The following SNN variants were observed in gnomAD, a reference collection of about 807,000 sequenced individuals.
SNN encodes AG8_1.
A neutral mutation model predicts 5.3 loss-of-function variants in SNN; 5 were observed. That is an observed-to-expected ratio of 0.94 (90% CI 0.49 to 1.97). SNN has a LOEUF of 1.97. SNN is among the 30% of genes most tolerant of loss of function. The pLI is 0.01. For missense variants in SNN, 127 were observed against 121.6 expected, an observed-to-expected ratio of 1.04 and a Z score of -0.21; for synonymous variants, 67 against 52.1, an observed-to-expected ratio of 1.29 and a Z score of -1.24.
intron 1 of SNN, 35 bp from the exon 2 acceptor site, chr16:11,675,940 C>A: frequency 9.3e-7 from 1 of 1,070,194 alleles, no homozygotes; most frequent in Non-Finnish European, 1.3e-6. Flanking sequence ...CGTGGAAGTG[C>A]TAACCGCAGC....
rs768098913 is a variant in SNN, at chr16:11,672,438, G to C, written c.-85-3537G>C. Among the ~76,000 whole-genome samples, 39 of 152,212 alleles carry C rather than the reference G, an allele frequency of 2.6e-4. No individual in the cohort carries two copies. The highest frequency in any genetic ancestry group is 3.2e-3 in the Middle Eastern group (1 of 316). On this transcript the variant is annotated intron_variant, in intron 1 of 1. Transcript: ENST00000329565. The surrounding 1 kb of genome is among the most constrained non-coding windows in gnomAD (Gnocchi z 6.0). ...TTCTGAGAAAGTCCCGAATAGGAAG[G>C]TGCCAGCCGTGGGGCGGTCAGGGCA...
At chr16:11,675,635 T>A (rs567443613) in intron 1 of SNN, among the ~76,000 whole-genome samples, 1 of 152,308 alleles carries the variant, frequency 6.6e-6, no homozygotes, top group East Asian at 1.9e-4. Flanking sequence ...CCCTGAGTGG[T>A]CATGAACACT....
Position 11,675,750 on chromosome 16 carries a change from C to T in SNN, c.-85-225C>T, listed in dbSNP as rs8191324. 1.5e-3 allele frequency among the ~76,000 whole-genome samples: 235 copies of T among 152,312 alleles called. 1 individual carries two copies. The highest frequency in any genetic ancestry group is 5.4e-3 in the African/African-American group (224 of 41,564). ...GCAGCTGTCGCTGTCGCAGTGTTCC[C>T]GGCTCTGCCGCCAGCGAGGGTGACT... On this transcript the variant is annotated intron_variant, in intron 1 of 1. Coordinates refer to ENST00000329565, the MANE Select transcript of SNN (RefSeq NM_003498.6).
rs1235311477 is a variant in SNN at position 11,671,807 on chromosome 16, A to T, written c.-86+3267A>T. Among the ~76,000 whole-genome samples, 2 of 152,156 alleles carry T rather than the reference A, an allele frequency of 1.3e-5. No homozygotes were observed. Among genetic ancestry groups the T allele is most frequent in the African/African-American group, 4.8e-5 (2 of 41,432 alleles). ...ACAGACAGGTGGGGTCCAGCCAGGC[A>T]CAGGGGCTTGTGGGGACCTGCTGCC... On this transcript the variant is annotated intron_variant, in intron 1 of 1. Coordinates refer to ENST00000329565, the MANE Select transcript of SNN (RefSeq NM_003498.6). The surrounding 1 kb of genome is among the most constrained non-coding windows in gnomAD (Gnocchi z 4.7).
rs2050270123 is a variant in SNN, at chr16:11,672,215, G to A, written c.-86+3675G>A. ...AGGGCAGGGGTACAGCTGTGGGCGG[G>A]ACAGACGGTGCCCTCCTTGGACTGC... is the stretch of plus-strand genomic sequence containing the variant. On this transcript the variant is annotated intron_variant, in intron 1 of 1. Transcript: ENST00000329565. The surrounding 1 kb of genome is among the most constrained non-coding windows in gnomAD (Gnocchi z 6.0). Among the ~76,000 whole-genome samples, 1 of 152,214 alleles carries A rather than the reference G, an allele frequency of 6.6e-6. No individual in the cohort carries two copies. The highest frequency in any genetic ancestry group is 2.4e-5 in the African/African-American group (1 of 41,454).
rs8191335 is a variant in SNN, at chr16:11,677,497, C to G, written c.*1171C>G. 11 of 166,832 alleles carry G rather than the reference C, an allele frequency of 6.6e-5. No individual in the cohort carries two copies. Among genetic ancestry groups the G allele is most frequent in the South Asian group, 2.1e-4 (1 of 4,816 alleles). The allele number at this position is 166,832 out of a possible 1,614,324, so 10.3% of individuals were successfully genotyped here. A position where few individuals can be genotyped will look rare whatever the true frequency, so the allele number is the denominator to read the frequency against. ...GAACATTTCTCACGTGCACATTCCC[C>G]TAAGAGCCACCAGACTGCTTCCTGC... On this transcript the variant is annotated 3_prime_UTR_variant, in exon 2 of 2. Coordinates refer to ENST00000329565, the MANE Select transcript of SNN (RefSeq NM_003498.6). This position sits in a 1 kb window ranked among gnomAD's most constrained non-coding sequence, Gnocchi z 4.2.
At chr16:11,670,226 A>G (rs8191277) in intron 1 of SNN, among the ~76,000 whole-genome samples, 86,884 of 151,386 alleles carry the variant, frequency 0.57, 25,627 homozygotes, top group African/African-American at 0.69. Flanking sequence ...TTATGGGGGG[A>G]GGCAGTACTG....
intron 1 of SNN, among the ~76,000 whole-genome samples, chr16:11,670,644 G>A (rs1470306940): frequency 6.6e-6 from 1 of 152,222 alleles, no homozygotes; most frequent in Non-Finnish European, 1.5e-5. Flanking sequence ...TATCCGCTTT[G>A]CGCATTGAGA....
rs2050332844 is a variant in SNN at position 11,678,839 on chromosome 16, T to G, written c.*2513T>G. 1 of 260,468 alleles carries G rather than the reference T, an allele frequency of 3.8e-6. No homozygotes were observed. The highest frequency in any genetic ancestry group is 7.9e-6 in the Non-Finnish European group (1 of 125,888). 16.1% of individuals were successfully genotyped at this position (260,468 alleles called of 1,614,324 possible). Reference sequence around the variant, plus strand: ...TCTGGATTATTTTTGAATGCCCAACTGTTGCATTCAAGTTTTCTGACTAAT... The same window carrying G: ...TCTGGATTATTTTTGAATGCCCAACGGTTGCATTCAAGTTTTCTGACTAAT... On this transcript the variant is annotated 3_prime_UTR_variant, in exon 2 of 2. Transcript: ENST00000329565.
rs1485036898 is a variant in SNN, at chr16:11,668,949, G to A, written c.-86+409G>A. 6.6e-6 allele frequency among the ~76,000 whole-genome samples: 1 copy of A among 152,036 alleles called. No homozygotes were observed. Among genetic ancestry groups the A allele is most frequent in the Admixed American group, 6.5e-5 (1 of 15,288 alleles). ...GGGATAGGGGTCCAGGTGACGTCCG[G>A]CGCCCGTCTCGCGGGTAGGGAAACT... On this transcript the variant is annotated intron_variant, in intron 1 of 1. Coordinates refer to ENST00000329565, the MANE Select transcript of SNN (RefSeq NM_003498.6). This position sits in a 1 kb window ranked among gnomAD's most constrained non-coding sequence, Gnocchi z 6.8.
In SNN at chr16:11,671,337, C is replaced by T. The variant is rs1437790349; in HGVS notation, c.-86+2797C>T. 1.3e-5 allele frequency among the ~76,000 whole-genome samples: 2 copies of T among 152,032 alleles called. No individual in the cohort carries two copies. Among genetic ancestry groups the T allele is most frequent in the Non-Finnish European group, 2.9e-5 (2 of 67,996 alleles). Reference sequence around the variant, plus strand: ...GTGTGTGTTTGGGGGATCCAGATGGCCTTGGGCTTCAAATGCCAGGCAGAG... The same window carrying T: ...GTGTGTGTTTGGGGGATCCAGATGGTCTTGGGCTTCAAATGCCAGGCAGAG... On this transcript the variant is annotated intron_variant, in intron 1 of 1. Coordinates refer to ENST00000329565, the MANE Select transcript of SNN (RefSeq NM_003498.6). This position sits in a 1 kb window ranked among gnomAD's most constrained non-coding sequence, Gnocchi z 4.7.
chr16:11,673,511 G>A (rs1243707223), intron 1 of SNN, among the ~76,000 whole-genome samples: 4 of 152,214 alleles, frequency 2.6e-5, no homozygotes, highest in African/African-American at 9.6e-5. Context: ...CGGGCCATCT[G>A]CGTGGTGGGG....
At position 11,668,694 on chromosome 16, in the gene SNN, C is replaced by T. The variant is rs1317364161; in HGVS notation, c.-86+154C>T. Among the ~76,000 whole-genome samples the T allele has an allele frequency of 6.9e-6, 1 of 145,112 alleles. No homozygotes were observed. Among genetic ancestry groups the T allele is most frequent in the Non-Finnish European group, 1.5e-5 (1 of 65,260 alleles). On this transcript the variant is annotated intron_variant, in intron 1 of 1. Transcript: ENST00000329565. The surrounding 1 kb of genome is among the most constrained non-coding windows in gnomAD (Gnocchi z 6.8). ...GGGAGGGGCGGCCCGGCGGGCGCGGCTCGGGGGAGGGTCCGTTCCAGGGGC... is the reference window on the plus strand; with the variant it reads ...GGGAGGGGCGGCCCGGCGGGCGCGGTTCGGGGGAGGGTCCGTTCCAGGGGC...
chr16:11,673,124 T>C (rs2050276532), intron 1 of SNN, among the ~76,000 whole-genome samples: 2 of 151,956 alleles, frequency 1.3e-5, no homozygotes, highest in South Asian at 4.2e-4. Flanking sequence ...CAGGTTGGTG[T>C]TCTTCTTGCA....
At chr16:11,675,258 CTTTTTTTTTTTTTT>C (rs769141223) in intron 1 of SNN, among the ~76,000 whole-genome samples, 1 of 125,312 alleles carries the variant, frequency 8.0e-6, no homozygotes, top group South Asian at 2.6e-4. Context: ...TTTTTTTTTT[CTTTTTTTTTTTTTT>C]TTTTTGAAGA....
intron 1 of SNN, among the ~76,000 whole-genome samples, chr16:11,674,858 C>T (rs8191315): frequency 1.6e-3 from 245 of 152,242 alleles, no homozygotes; most frequent in Non-Finnish European, 2.9e-3. Flanking sequence ...GACAATGGCA[C>T]CCTGTATTGT....
intron 1 of SNN, among the ~76,000 whole-genome samples, chr16:11,675,258 CTT>C (rs769141223): frequency 8.0e-6 from 1 of 125,308 alleles, no homozygotes. Flanking sequence ...TTTTTTTTTT[CTT>C]TTTTTTTTTT....
In SNN at chr16:11,668,793, A is replaced by T. The variant is rs2050245487; in HGVS notation, c.-86+253A>T. 6.6e-6 allele frequency among the ~76,000 whole-genome samples: 1 copy of T among 150,440 alleles called. No individual in the cohort carries two copies. Among genetic ancestry groups the T allele is most frequent in the Admixed American group, 6.6e-5 (1 of 15,172 alleles). On this transcript the variant is annotated intron_variant, in intron 1 of 1. Coordinates refer to ENST00000329565, the MANE Select transcript of SNN (RefSeq NM_003498.6). The surrounding 1 kb of genome is among the most constrained non-coding windows in gnomAD (Gnocchi z 6.8). ...GGACAAAGGAGGCGGCGGGGGGCGGAGGCCGCTTTGTGGGGATCGCGGGGC... is the reference window on the plus strand; with the variant it reads ...GGACAAAGGAGGCGGCGGGGGGCGGTGGCCGCTTTGTGGGGATCGCGGGGC...
intron 1 of SNN, among the ~76,000 whole-genome samples, chr16:11,669,730 C>T (rs1307713518): frequency 6.6e-6 from 1 of 152,100 alleles, no homozygotes; most frequent in Non-Finnish European, 1.5e-5. Context: ...AAATGACCAG[C>T]GGGTGATTCA....
Sources: gnomAD v4.1 joint callset for allele counts (sites outside exome capture counted in the v4.1 genomes callset) on GRCh38, gnomAD v4.1.1 for gene constraint, Gnocchi (gnomAD v3.1) non-coding constraint, MANE v1.5 for transcripts, NCBI Gene and HGNC (gene_info 2026-07-23, HGNC 2026-07-21) for gene names.